The following MMAA variants were observed in gnomAD, a reference collection of about 807,000 sequenced individuals.
MMAA encodes the protein methylmalonic aciduria type A protein, mitochondrial.
In MMAA, 41 loss-of-function variants were observed where a neutral mutation model predicts 45.0. The ratio of observed to expected loss-of-function variants is 0.91; its 90% CI spans 0.71 to 1.18. The LOEUF (loss-of-function observed/expected upper bound fraction) is 1.18. MMAA is among the 50% of genes most tolerant of loss of function. The pLI is 0.00. For synonymous variants in MMAA, 154 were observed against 178.2 expected, an observed-to-expected ratio of 0.86 and a Z score of 1.08; for missense variants, 460 against 495.7, an observed-to-expected ratio of 0.93 and a Z score of 0.68.
intron 1 of MMAA, among the ~76,000 whole-genome samples, chr4:145,637,141 G>T (rs1413751617): frequency 3.3e-5 from 5 of 152,112 alleles, no homozygotes; most frequent in Non-Finnish European, 2.9e-5. Context: ...CACCTATCAT[G>T]GGACCTGAAA....
chr4:145,628,941 G>T (rs1270766922), intron 1 of MMAA, among the ~76,000 whole-genome samples: 1 of 152,084 alleles, frequency 6.6e-6, no homozygotes, highest in African/African-American at 2.4e-5. Context: ...TTTGAAAAAG[G>T]TGTCACACTT....
chr4:145,638,221 T>C (rs999875433), intron 1 of MMAA, among the ~76,000 whole-genome samples: 1 of 151,968 alleles, frequency 6.6e-6, no homozygotes, highest in African/African-American at 2.4e-5. Context: ...TACAAAAAAT[T>C]AGCCGGGCGT....
rs201679920 is a variant in MMAA at position 145,649,125 on chromosome 4, CAAAAAAAAA to C, written c.734-1922_734-1914del. ...GCAACATAGCAAGCCTTGGTTCTAT[CAAAAAAAAA>C]AAAAAAAAAAAAAATTAGCCAGGCA... is the stretch of plus-strand genomic sequence containing the variant. On this transcript the variant is annotated intron_variant, in intron 4 of 6. Transcript: ENST00000649156. Among the ~76,000 whole-genome samples, 22 of 89,880 alleles carry C rather than the reference CAAAAAAAAA, an allele frequency of 2.4e-4. No individual in the cohort carries two copies. The South Asian group carries it at 2.5e-3, about 10-fold the overall frequency. 59.0% of individuals were successfully genotyped at this position (89,880 alleles called of 152,430 possible).
chr4:145,643,037 A>G (rs1398105552), intron 3 of MMAA, among the ~76,000 whole-genome samples: 1 of 152,238 alleles, frequency 6.6e-6, no homozygotes, highest in African/African-American at 2.4e-5. Flanking sequence ...TACGTTGCAC[A>G]GAATGTTAAG....
In MMAA at chr4:145,627,607, A is replaced by T. The variant is rs142362173; in HGVS notation, c.-66+8200A>T. ...ATAAGTAGATAAATTAGAAAACAAG[A>T]AGACAAATACTATTTTTGAGGTGGG... is the stretch of plus-strand genomic sequence containing the variant. On this transcript the variant is annotated intron_variant, in intron 1 of 6. Coordinates refer to ENST00000649156, the MANE Select transcript of MMAA (RefSeq NM_172250.3). 2.3e-4 allele frequency among the ~76,000 whole-genome samples: 35 copies of T among 152,276 alleles called. No individual in the cohort carries two copies. The East Asian group carries it at 6.0e-3, about 26-fold the overall frequency.
chr4:145,653,884 AGG>A, intron 5 of MMAA, 108 bp from the exon 6 acceptor site: 1 of 1,150,100 alleles, frequency 8.7e-7, no homozygotes, highest in Non-Finnish European at 1.3e-6. Flanking sequence ...TCCAGGGCTT[AGG>A]AGGATATGGA....
chr4:145,648,869 C>G (rs1728013726), intron 4 of MMAA, among the ~76,000 whole-genome samples: 1 of 152,054 alleles, frequency 6.6e-6, no homozygotes, highest in South Asian at 2.1e-4. Context: ...ACCTGTAGTC[C>G]TAGCTACTTG....
rs1295997677 is a variant in MMAA, at chr4:145,642,434, G to C, written c.511G>C (p.Gly171Arg). Residue 171 changes from glycine (G) to arginine (R), a missense_variant, in exon 3 of 7, where the codon GGG (glycine) becomes CGG (arginine). Gly to Arg is a moderately radical substitution (Grantham distance 125). Coordinates refer to ENST00000649156, the MANE Select transcript of MMAA (RefSeq NM_172250.3). ...TTTTGGAAAAATGCTTACTGAGAGA[G>C]GGCACAAATTATCTGTGCTAGCTGT... ...EYFGKMLTER[G>R]HKLSVLAVDP... is the part of the protein sequence containing the mutation. 6.2e-7 allele frequency: 1 copy of C among 1,613,926 alleles called. No homozygotes were observed.
intron 5 of MMAA, among the ~76,000 whole-genome samples, chr4:145,652,033 G>T (rs906578885): frequency 4.6e-5 from 7 of 151,924 alleles, no homozygotes; most frequent in African/African-American, 1.7e-4. Context: ...GGGGGTTGGG[G>T]ACCCTTGCAC....
Position 145,639,562 on chromosome 4 carries a change from A to G in MMAA, c.423A>G (p.Pro141=). 6.2e-7 allele frequency: 1 copy of G among 1,609,630 alleles called. No individual in the cohort carries two copies. The highest frequency in any genetic ancestry group is 8.5e-7 in the Non-Finnish European group (1 of 1,177,402). The change falls in exon 2 of 7, where the codon CCA becomes CCG. Residue 141 remains proline, a synonymous_variant. Coordinates refer to ENST00000649156, the MANE Select transcript of MMAA (RefSeq NM_172250.3). The part of the protein sequence containing the change: ...REQEQSNKGK[P]LAFRVGLSGP... ...AAGAACAATCAAATAAAGGAAAACCACTAGCATTTCGAGTAGGTCAGTCTT... is the reference window on the plus strand; with the variant it reads ...AAGAACAATCAAATAAAGGAAAACCGCTAGCATTTCGAGTAGGTCAGTCTT...
In MMAA at chr4:145,645,950, T is replaced by C. The variant is rs200082858; in HGVS notation, c.563-36T>C. 1.9e-5 allele frequency: 30 copies of C among 1,608,146 alleles called. No individual in the cohort carries two copies. In the African/African-American group the frequency reaches 3.5e-4, roughly 19 times the overall value. On this transcript the variant is annotated intron_variant, in intron 3 of 6. Coordinates refer to ENST00000649156, the MANE Select transcript of MMAA (RefSeq NM_172250.3). ...CTGGCTGATAATTGACCCGTAAAAC[T>C]GTTCCATGATTATAAAATGTAACTG...
intron 1 of MMAA, chr4:145,625,354 G>C: frequency 1.1e-5 from 8 of 702,562 alleles, no homozygotes; most frequent in Non-Finnish European, 2.7e-6. Flanking sequence ...GCTTTTTGGT[G>C]AGCCAGTCCT....
At chr4:145,635,802 C>T (rs1312906690) in intron 1 of MMAA, among the ~76,000 whole-genome samples, 1 of 152,198 alleles carries the variant, frequency 6.6e-6, no homozygotes, top group Non-Finnish European at 1.5e-5. Context: ...CCTCATGCCA[C>T]CAGCATCACT....
At chr4:145,647,961 A>T (rs1023151954) in intron 4 of MMAA, among the ~76,000 whole-genome samples, 4 of 150,710 alleles carry the variant, frequency 2.7e-5, no homozygotes, top group Non-Finnish European at 5.9e-5. Flanking sequence ...GGTTCACGCC[A>T]TTCTCCTACC....
rs1728319052 is a variant in MMAA, at chr4:145,659,100, C to G, written c.*3666C>G. On this transcript the variant is annotated 3_prime_UTR_variant, in exon 7 of 7. Coordinates refer to ENST00000649156, the MANE Select transcript of MMAA (RefSeq NM_172250.3). ...ACAATGATGAACATGTCAAAACTTTCCTTTAAAAGGAACAATCAGAAAAAC... is the reference window on the plus strand; with the variant it reads ...ACAATGATGAACATGTCAAAACTTTGCTTTAAAAGGAACAATCAGAAAAAC... 1 of 152,114 alleles carries G rather than the reference C, an allele frequency of 6.6e-6. No individual in the cohort carries two copies. The highest frequency in any genetic ancestry group is 2.4e-5 in the African/African-American group (1 of 41,410). The allele number at this position is 152,114 out of a possible 1,614,324, so 9.4% of individuals were successfully genotyped here.
intron 1 of MMAA, among the ~76,000 whole-genome samples, chr4:145,628,802 C>A (rs1734258204): frequency 6.6e-6 from 1 of 151,884 alleles, no homozygotes; most frequent in Non-Finnish European, 1.5e-5. Context: ...ATGTGGTCAG[C>A]CAAAAAACAA....
chr4:145,644,754 T>TA (rs1260027587), intron 3 of MMAA, among the ~76,000 whole-genome samples: 1 of 152,234 alleles, frequency 6.6e-6, no homozygotes, highest in Non-Finnish European at 1.5e-5. Context: ...GGCAAAGACT[T>TA]ATTTAAAGCA....
chr4:145,653,913 T>A, intron 5 of MMAA, 81 bp from the exon 6 acceptor site: 1 of 1,430,646 alleles, frequency 7.0e-7, no homozygotes, highest in Non-Finnish European at 9.9e-7. Context: ...GTTAATGAAA[T>A]GTATGACTTT....
chr4:145,654,231 T>C lies in MMAA; in HGVS notation c.969+88T>C, dbSNP rs1037579070. On this transcript the variant is annotated intron_variant, in intron 6 of 6. Coordinates refer to ENST00000649156, the MANE Select transcript of MMAA (RefSeq NM_172250.3). Reference sequence around the variant, plus strand: ...TATAAGTCCCAAACTAGACATATAATCAATCTTGCTTCTATGTGAAGATGA... The same window carrying C: ...TATAAGTCCCAAACTAGACATATAACCAATCTTGCTTCTATGTGAAGATGA... 4.1e-6 allele frequency: 6 copies of C among 1,452,896 alleles called. No individual in the cohort carries two copies. The African/African-American group carries it at 4.2e-5, about 10-fold the overall frequency. The allele number at this position is 1,452,896 out of a possible 1,614,324, so 90.0% of individuals were successfully genotyped here.
Sources: allele counts gnomAD v4.1 joint callset (sites outside exome capture counted in the v4.1 genomes callset), GRCh38; gene constraint gnomAD v4.1.1; transcripts MANE v1.5; gene names NCBI Gene and HGNC (gene_info 2026-07-23, HGNC 2026-07-21).